The following PCDH9 variants were observed in gnomAD, a reference collection of about 807,000 sequenced individuals.
The protein encoded by PCDH9 is protocadherin 9.
Under a neutral mutation model 70.6 loss-of-function variants are expected in PCDH9, and 24 were observed. That is an observed-to-expected ratio of 0.34 (90% CI 0.25 to 0.48). The LOEUF is 0.48. PCDH9 is among the 20% of genes least tolerant of loss of function. The pLI, the probability that PCDH9 is intolerant of heterozygous loss-of-function variation, is 0.99. For synonymous variants in PCDH9, 562 were observed against 558.5 expected (o/e 1.01, Z -0.09); for missense variants, 1,281 against 1,503.6 (o/e 0.85, Z 2.45).
At chr13:66,698,430 T>C (rs752875315) in intron 3 of PCDH9, among the ~76,000 whole-genome samples, 9 of 152,296 alleles carry the variant, frequency 5.9e-5, no homozygotes, top group African/African-American at 1.9e-4. Flanking sequence ...AAGCAGTTCA[T>C]CCCTTTTATT....
intron 3 of PCDH9, among the ~76,000 whole-genome samples, chr13:66,837,474 G>A (rs1156767150): frequency 6.6e-6 from 1 of 152,122 alleles, no homozygotes; most frequent in East Asian, 1.9e-4. Context: ...GCCCACGACC[G>A]CTGCGTTCCT....
intron 2 of PCDH9, among the ~76,000 whole-genome samples, chr13:66,976,415 T>C (rs1440334225): frequency 1.3e-5 from 2 of 152,138 alleles, no homozygotes; most frequent in African/African-American, 4.8e-5. Context: ...TTGAGGATTA[T>C]CTGAGCCCTT....
intron 4 of PCDH9, among the ~76,000 whole-genome samples, chr13:66,466,994 T>C (rs1006760998): frequency 4.6e-5 from 7 of 152,066 alleles, no homozygotes; most frequent in African/African-American, 1.7e-4. Context: ...TGACTCTGTT[T>C]CAGGCATTGC....
intron 3 of PCDH9, among the ~76,000 whole-genome samples, chr13:66,684,049 G>A (rs187513113): frequency 1.2e-3 from 184 of 152,202 alleles, no homozygotes; most frequent in African/African-American, 4.2e-3. Flanking sequence ...GTTGTACTAC[G>A]TTTTAATAAT....
intron 2 of PCDH9, among the ~76,000 whole-genome samples, chr13:67,031,267 T>C (rs1468650085): frequency 6.6e-6 from 1 of 152,224 alleles, no homozygotes; most frequent in Admixed American, 6.5e-5. Context: ...AATTAAATTA[T>C]ATATAGTGAA....
At chr13:66,494,842 T>G (rs2138542693) in intron 4 of PCDH9, among the ~76,000 whole-genome samples, 1 of 152,294 alleles carries the variant, frequency 6.6e-6, no homozygotes, top group South Asian at 2.1e-4. Context: ...CCAAAGGCAA[T>G]GTCTTAATTC....
At chr13:66,788,797 T>C (rs113308753) in intron 3 of PCDH9, among the ~76,000 whole-genome samples, 16 of 152,020 alleles carry the variant, frequency 1.1e-4, no homozygotes, top group African/African-American at 3.6e-4. Context: ...TAAAAATCAA[T>C]GATCCATCCC....
chr13:66,711,872 A>G (rs1566521731), intron 3 of PCDH9, among the ~76,000 whole-genome samples: 1 of 152,136 alleles, frequency 6.6e-6, no homozygotes, highest in Non-Finnish European at 1.5e-5. Context: ...TCTAGACAGC[A>G]ACACATTGCT....
intron 2 of PCDH9, among the ~76,000 whole-genome samples, chr13:66,988,194 C>G (rs556645864): frequency 7.0e-4 from 106 of 152,014 alleles, no homozygotes; most frequent in African/African-American, 2.4e-3. Flanking sequence ...TCTTTACTTC[C>G]TAAGAAATGA....
At chr13:66,767,620 C>T (rs2079738993) in intron 3 of PCDH9, among the ~76,000 whole-genome samples, 1 of 151,932 alleles carries the variant, frequency 6.6e-6, no homozygotes, top group East Asian at 1.9e-4. Flanking sequence ...TTATGTTGAA[C>T]AGCTTGACAG....
chr13:66,473,705 T>C (rs2138489191), intron 4 of PCDH9, among the ~76,000 whole-genome samples: 1 of 152,280 alleles, frequency 6.6e-6, no homozygotes, highest in Admixed American at 6.5e-5. Context: ...CACTTAACAG[T>C]TTTCTAAAGC....
chr13:67,037,427 C>G (rs2085032156), intron 2 of PCDH9, among the ~76,000 whole-genome samples: 1 of 152,116 alleles, frequency 6.6e-6, no homozygotes, highest in Non-Finnish European at 1.5e-5. Flanking sequence ...TCCAACATAA[C>G]TTTTCTACTC....
intron 4 of PCDH9, among the ~76,000 whole-genome samples, chr13:66,399,857 C>A (rs1566296677): frequency 6.6e-6 from 1 of 151,942 alleles, no homozygotes; most frequent in Non-Finnish European, 1.5e-5. Flanking sequence ...CAAAACCCAC[C>A]AAATACCTGT....
chr13:66,496,470 T>C (rs1472166413), intron 4 of PCDH9, among the ~76,000 whole-genome samples: 3 of 152,186 alleles, frequency 2.0e-5, no homozygotes, highest in African/African-American at 4.8e-5. Context: ...ACTATGCCCC[T>C]AGTACAAGTT....
At chr13:67,009,631 C>T (rs2084416063) in intron 2 of PCDH9, among the ~76,000 whole-genome samples, 1 of 151,974 alleles carries the variant, frequency 6.6e-6, no homozygotes, top group Non-Finnish European at 1.5e-5. Context: ...TTAGCCCTCA[C>T]TCTGCATTTG....
At chr13:66,763,358 C>T (rs373341483) in intron 3 of PCDH9, among the ~76,000 whole-genome samples, 1 of 151,772 alleles carries the variant, frequency 6.6e-6, no homozygotes, top group East Asian at 1.9e-4. Flanking sequence ...AAATAAAAGA[C>T]AATATTTAAC....
At chr13:66,650,282 A>G (rs2138988542) in intron 3 of PCDH9, among the ~76,000 whole-genome samples, 1 of 152,132 alleles carries the variant, frequency 6.6e-6, no homozygotes, top group East Asian at 1.9e-4. Flanking sequence ...ATAAAGGGAT[A>G]GGAAAAGTCA....
chr13:66,725,593 T>A (rs1566150473), intron 3 of PCDH9, among the ~76,000 whole-genome samples: 1 of 151,120 alleles, frequency 6.6e-6, no homozygotes, highest in East Asian at 1.9e-4. Flanking sequence ...AGAGTGTGAT[T>A]TTTTTCAAAG....
chr13:67,195,721 A>C (rs1346746211), intron 2 of PCDH9, among the ~76,000 whole-genome samples: 1 of 152,184 alleles, frequency 6.6e-6, no homozygotes, highest in African/African-American at 2.4e-5. Context: ...TAATAATAAA[A>C]ATGATTACTA....
Sources: gnomAD v4.1 joint callset for allele counts (sites outside exome capture counted in the v4.1 genomes callset) on GRCh38, gnomAD v4.1.1 for gene constraint, MANE v1.5 for transcripts, NCBI Gene and HGNC (gene_info 2026-07-23, HGNC 2026-07-21) for gene names.